GYPB: variants seen among roughly 807,000 people sequenced by gnomAD.
The protein encoded by GYPB is glycophorin B (MNS blood group).
A neutral mutation model predicts 15.3 loss-of-function variants in GYPB; 13 were observed. The ratio of observed to expected loss-of-function variants is 0.85; its 90% confidence interval spans 0.55 to 1.35. GYPB has a LOEUF of 1.35. GYPB is among the 40% of genes most tolerant of loss of function. GYPB has a pLI of 0.00. For missense variants in GYPB, 131 were observed against 108.3 expected, an observed-to-expected ratio of 1.21 and a Z score of -0.93; for synonymous variants, 38 against 36.9, an observed-to-expected ratio of 1.03 and a Z score of -0.11.
chr4:144,004,836 A>G (rs1308248435), intron 1 of GYPB, among the ~76,000 whole-genome samples: 1 of 151,828 alleles, frequency 6.6e-6, no homozygotes, highest in African/African-American at 2.4e-5. Flanking sequence ...TCAATTCTGC[A>G]AAGCTGCAAA....
Position 144,001,507 on chromosome 4 carries a change from A to ATG in GYPB, c.38-225_38-224insCA, listed in dbSNP as rs1373726277. Among the ~76,000 whole-genome samples, 9 of 151,624 alleles carry ATG rather than the reference A, an allele frequency of 5.9e-5. No individual in the cohort carries two copies. In the East Asian group the frequency reaches 1.4e-3, roughly 23 times the overall value. The stretch of plus-strand genomic sequence containing the variant: ...AGAAGCCCCTCCAGAATTTTTGTAC[A>ATG]GCAGAGGTTTACAGATAAAGTGTGC... On this transcript the variant is annotated intron_variant, in intron 1 of 4. Coordinates refer to ENST00000502664, the MANE Select transcript of GYPB (RefSeq NM_002100.6).
intron 1 of GYPB, chr4:144,008,440 G>A: frequency 2.2e-6 from 1 of 455,306 alleles, no homozygotes; most frequent in Non-Finnish European, 4.4e-6. Flanking sequence ...ACATAGCATT[G>A]TAGGGTGACC....
chr4:144,015,212 G>A (rs1464252540), intron 1 of GYPB, among the ~76,000 whole-genome samples: 1 of 151,144 alleles, frequency 6.6e-6, no homozygotes, highest in African/African-American at 2.5e-5. Flanking sequence ...AATTTAGAAA[G>A]TATTCAAAAT....
At chr4:143,997,377 A>T (rs1579044333) in intron 4 of GYPB, 163 bp downstream of exon 4, 5 of 525,482 alleles carry the variant, frequency 9.5e-6, no homozygotes, top group Admixed American at 6.9e-5. Flanking sequence ...GCAAAAAAAA[A>T]ATTCTGCTAG....
At chr4:144,005,901 A>G (rs1727886296) in intron 1 of GYPB, among the ~76,000 whole-genome samples, 1 of 151,538 alleles carries the variant, frequency 6.6e-6, no homozygotes, top group South Asian at 2.1e-4. Flanking sequence ...GGATAAAGAA[A>G]TAGCATGGGC....
rs530152550 is a variant in GYPB, at chr4:144,017,840, C to T, written c.37+1411G>A. Among the ~76,000 whole-genome samples, 11 of 151,344 alleles carry T rather than the reference C, an allele frequency of 7.3e-5. No individual in the cohort carries two copies. In the South Asian group the frequency reaches 2.3e-3, roughly 31 times the overall value. On this transcript the variant is annotated intron_variant, in intron 1 of 4. Coordinates refer to ENST00000502664, the MANE Select transcript of GYPB (RefSeq NM_002100.6). ...TATATGAATACATATACAAATATTA[C>T]ACTACATCCCTTTCATTTGTTTTCT...
At chr4:144,016,458 C>T (rs1474199617) in intron 1 of GYPB, among the ~76,000 whole-genome samples, 1 of 149,200 alleles carries the variant, frequency 6.7e-6, no homozygotes, top group African/African-American at 2.5e-5. Flanking sequence ...CTTCTCTCTC[C>T]TTCTCCCTCC....
At chr4:144,019,122 C>T in intron 1 of GYPB, 129 bp downstream of exon 1, 1 of 1,438,332 alleles carries the variant, frequency 7.0e-7, no homozygotes, top group East Asian at 2.5e-5. Flanking sequence ...ATCCATCCAC[C>T]AGACTGGAAG....
intron 1 of GYPB, among the ~76,000 whole-genome samples, chr4:144,010,094 A>T (rs538717167): frequency 6.7e-4 from 101 of 151,334 alleles, no homozygotes; most frequent in South Asian, 4.1e-3. Flanking sequence ...GAAAATTCTA[A>T]CCTGCAGTCA....
At chr4:144,014,192 G>A (rs1262760196) in intron 1 of GYPB, among the ~76,000 whole-genome samples, 1 of 151,870 alleles carries the variant, frequency 6.6e-6, no homozygotes, top group Admixed American at 6.5e-5. Flanking sequence ...GAGTTGAGCA[G>A]TTCCTTAGTA....
At chr4:144,018,029 T>C (rs1039680782) in intron 1 of GYPB, among the ~76,000 whole-genome samples, 6 of 151,366 alleles carry the variant, frequency 4.0e-5, no homozygotes, top group African/African-American at 1.5e-4. Context: ...TACTAATTAT[T>C]TTAATATTAC....
chr4:144,005,930 G>A (rs137925488), intron 1 of GYPB, among the ~76,000 whole-genome samples: 1,841 of 151,556 alleles, frequency 0.012, 125 homozygotes, highest in African/African-American at 0.043. Context: ...GGAGAAAGGG[G>A]AGTATAACAT....
chr4:144,016,970 T>A (rs1728535000), intron 1 of GYPB: 5 of 373,326 alleles, frequency 1.3e-5, no homozygotes, highest in South Asian at 1.1e-4. Context: ...GCATTCATGT[T>A]TATCATCTTA....
At chr4:143,997,729 C>A in intron 3 of GYPB, 95 bp from the exon 4 acceptor site, 1 of 734,402 alleles carries the variant, frequency 1.4e-6, no homozygotes, top group South Asian at 1.4e-5. Context: ...ATCACCTTGC[C>A]TTTTAATACA....
At chr4:144,008,143 T>C (rs765763586) in intron 1 of GYPB, among the ~76,000 whole-genome samples, 2 of 151,596 alleles carry the variant, frequency 1.3e-5, no homozygotes, top group African/African-American at 2.4e-5. Context: ...ATCAGAAACA[T>C]TGCCTGACTT....
chr4:143,996,435 AC>A (rs2149953692), intron 4 of GYPB, 131 bp from the exon 5 acceptor site: 1 of 1,492,598 alleles, frequency 6.7e-7, no homozygotes, highest in African/African-American at 1.5e-5. Context: ...TCTAAAGGGT[AC>A]CTAGGGGTGT....
At chr4:143,996,406 C>T (rs1432039301) in intron 4 of GYPB, 102 bp from the exon 5 acceptor site, 27 of 1,542,524 alleles carry the variant, frequency 1.8e-5, no homozygotes, top group Non-Finnish European at 2.2e-5. Context: ...CCTTCACAGG[C>T]TGTAGCCAAT....
In GYPB at chr4:143,996,216, C is replaced by A; in HGVS notation, c.*83G>T. The A allele has an allele frequency of 1.9e-6, 3 of 1,549,000 alleles. No homozygotes were observed. Among genetic ancestry groups the A allele is most frequent in the Non-Finnish European group, 1.7e-6 (2 of 1,146,176 alleles). ...GGTAGGGGCATAAGCAAAGGAATAG[C>A]AGGTGCAGCCAGTTTGCATAAACAA... is the stretch of plus-strand genomic sequence containing the variant. On this transcript the variant is annotated 3_prime_UTR_variant, in exon 5 of 5. Transcript: ENST00000502664.
chr4:144,002,299 A>G (rs1417898514), intron 1 of GYPB, among the ~76,000 whole-genome samples: 3 of 151,494 alleles, frequency 2.0e-5, no homozygotes, highest in Non-Finnish European at 4.4e-5. Flanking sequence ...TTTAGTTGTT[A>G]TATGTAAATA....
Sources: allele counts gnomAD v4.1 joint callset (sites outside exome capture counted in the v4.1 genomes callset), GRCh38; gene constraint gnomAD v4.1.1; transcripts MANE v1.5; gene names NCBI Gene and HGNC (gene_info 2026-07-23, HGNC 2026-07-21).